The following RPS19 variants were observed in gnomAD, a reference collection of about 807,000 sequenced individuals.
The protein encoded by RPS19 is small ribosomal subunit protein eS19.
RPS19 carries 1 observed loss-of-function variant against 20.3 expected under a neutral mutation model. The ratio of observed to expected loss-of-function variants is 0.05; its 90% CI spans 0.02 to 0.23. RPS19 has a LOEUF of 0.23. Ranked by LOEUF, RPS19 falls within the 10% of genes least tolerant of loss-of-function variation. RPS19 has a pLI of 1.00. For synonymous variants in RPS19, 87 were observed against 74.8 expected, an observed-to-expected ratio of 1.16 and a Z score of -0.84; for missense variants, 111 against 192.7, an observed-to-expected ratio of 0.58 and a Z score of 2.51.
intron 1 of RPS19, 110 bp from the exon 2 acceptor site, chr19:41,860,665 G>C: frequency 1.1e-6 from 1 of 873,832 alleles, no homozygotes; most frequent in East Asian, 2.4e-5. Context: ...GAAGTAACGG[G>C]GGGTACCACG....
Position 41,870,848 on chromosome 19 carries a change from CCTTTTTTTTT to C in RPS19, c.412-502_412-493del, listed in dbSNP as rs1175941497. 3.5e-4 allele frequency among the ~76,000 whole-genome samples: 30 copies of C among 85,760 alleles called. 1 individual carries two copies. Among genetic ancestry groups the C allele is most frequent in the African/African-American group, 1.3e-3 (29 of 22,536 alleles). 56.3% of individuals were successfully genotyped at this position (85,760 alleles called of 152,430 possible). A position where few individuals can be genotyped will look rare whatever the true frequency, so the allele number is the denominator to read the frequency against. ...TTGGACTCCACTCCGCCACTCCCTT[CCTTTTTTTTT>C]TTTTTTTTTTTTTTTTTTTTTTGAG... On this transcript the variant is annotated intron_variant, in intron 5 of 5. Coordinates refer to ENST00000598742, the MANE Select transcript of RPS19 (RefSeq NM_001022.4).
chr19:41,861,228 C>T lies in RPS19; in HGVS notation c.172+16C>T, dbSNP rs782034765. 14 of 1,598,434 alleles carry T rather than the reference C, an allele frequency of 8.8e-6. No homozygotes were observed. The African/African-American group carries it at 1.9e-4, about 21-fold the overall frequency. ...ACGCGAGCTGGTGAGGAACTTAGGTCTTTGGCTGGAGAGTGGGGAGCTGGG... is the reference window on the plus strand; with the variant it reads ...ACGCGAGCTGGTGAGGAACTTAGGTTTTTGGCTGGAGAGTGGGGAGCTGGG... On this transcript the variant is annotated intron_variant, in intron 3 of 5. Coordinates refer to ENST00000598742, the MANE Select transcript of RPS19 (RefSeq NM_001022.4).
chr19:41,866,121 C>T (rs1490528580), intron 3 of RPS19, among the ~76,000 whole-genome samples: 2 of 151,808 alleles, frequency 1.3e-5, no homozygotes, highest in Non-Finnish European at 2.9e-5. Flanking sequence ...GGTGTGGTGG[C>T]GTGTGCCTGT....
intron 3 of RPS19, among the ~76,000 whole-genome samples, chr19:41,866,230 G>A (rs782101346): frequency 3.2e-4 from 49 of 152,076 alleles, no homozygotes; most frequent in Non-Finnish European, 7.1e-4. Flanking sequence ...TCCAACCTAG[G>A]CAACAGAGAA....
rs2074139987 is a variant in RPS19 at position 41,870,848 on chromosome 19, C to CTT, written c.412-503_412-502insTT. Reference sequence around the variant, plus strand: ...TTGGACTCCACTCCGCCACTCCCTTCCTTTTTTTTTTTTTTTTTTTTTTTT... The same window carrying CTT: ...TTGGACTCCACTCCGCCACTCCCTTCTTCTTTTTTTTTTTTTTTTTTTTTTTT... On this transcript the variant is annotated intron_variant, in intron 5 of 5. Coordinates refer to ENST00000598742, the MANE Select transcript of RPS19 (RefSeq NM_001022.4). Among the ~76,000 whole-genome samples the CTT allele has an allele frequency of 2.3e-3, 200 of 85,794 alleles. 21 individuals carry two copies. Among genetic ancestry groups the CTT allele is most frequent in the East Asian group, 6.4e-3 (16 of 2,494 alleles). The allele number at this position is 85,794 out of a possible 152,430, so 56.3% of individuals were successfully genotyped here.
In RPS19 at chr19:41,870,848, C is replaced by CT. The variant is rs2074139987; in HGVS notation, c.412-503_412-502insT. Among the ~76,000 whole-genome samples the CT allele has an allele frequency of 3.5e-3, 304 of 85,784 alleles. 38 individuals carry two copies. Among genetic ancestry groups the CT allele is most frequent in the East Asian group, 0.011 (27 of 2,494 alleles). 56.3% of individuals were successfully genotyped at this position (85,784 alleles called of 152,430 possible). Reference sequence around the variant, plus strand: ...TTGGACTCCACTCCGCCACTCCCTTCCTTTTTTTTTTTTTTTTTTTTTTTT... The same window carrying CT: ...TTGGACTCCACTCCGCCACTCCCTTCTCTTTTTTTTTTTTTTTTTTTTTTTT... On this transcript the variant is annotated intron_variant, in intron 5 of 5. Transcript: ENST00000598742.
chr19:41,865,177 A>C (rs1425664382), intron 3 of RPS19, among the ~76,000 whole-genome samples: 1 of 151,928 alleles, frequency 6.6e-6, no homozygotes, highest in Non-Finnish European at 1.5e-5. Flanking sequence ...GACCATCCTG[A>C]CCAATGTGGT....
At position 41,860,770 on chromosome 19, in the gene RPS19, C is replaced by G. The variant is rs782037781; in HGVS notation, c.1-5C>G. The G allele has an allele frequency of 1.9e-6, 3 of 1,612,066 alleles. No homozygotes were observed. Among genetic ancestry groups the G allele is most frequent in the East Asian group, 2.2e-5 (1 of 44,886 alleles). On this transcript the variant is annotated splice_region_variant and splice_polypyrimidine_tract_variant and intron_variant, in intron 1 of 5. Coordinates refer to ENST00000598742, the MANE Select transcript of RPS19 (RefSeq NM_001022.4). ...TGTGTTCACATGCTTGACTTTCTCC[C>G]TCAGATGCCTGGAGTTACTGTAAAA...
At chr19:41,866,881 G>A (rs2074095886) in intron 3 of RPS19, among the ~76,000 whole-genome samples, 1 of 152,112 alleles carries the variant, frequency 6.6e-6, no homozygotes, top group Non-Finnish European at 1.5e-5. Flanking sequence ...GCCAGGCGTG[G>A]TGGCGGGCCC....
At position 41,861,096 on chromosome 19, in the gene RPS19, A is replaced by G. The variant is rs1555839143; in HGVS notation, c.72-16A>G. ...GAGATGACTGAATCGTGCTTTTCCCACTGTTTTGGTCTTAGGTCCGGGAAG... is the reference window on the plus strand; with the variant it reads ...GAGATGACTGAATCGTGCTTTTCCCGCTGTTTTGGTCTTAGGTCCGGGAAG... On this transcript the variant is annotated splice_polypyrimidine_tract_variant and intron_variant, in intron 2 of 5. Transcript: ENST00000598742. 1 of 1,604,402 alleles carries G rather than the reference A, an allele frequency of 6.2e-7. No individual in the cohort carries two copies. Among genetic ancestry groups the G allele is most frequent in the Non-Finnish European group, 8.5e-7 (1 of 1,171,612 alleles).
intron 3 of RPS19, among the ~76,000 whole-genome samples, chr19:41,862,084 G>A (rs2074038174): frequency 6.6e-6 from 1 of 152,188 alleles, no homozygotes; most frequent in Non-Finnish European, 1.5e-5. Context: ...TCTCTGTGAA[G>A]TGGGGACTCC....
intron 4 of RPS19, 58 bp downstream of exon 4, chr19:41,869,272 T>TC (rs1555841402): frequency 8.1e-6 from 12 of 1,481,476 alleles, no homozygotes; most frequent in South Asian, 1.2e-5. Flanking sequence ...GGTCATCAAT[T>TC]CCCCAACGAA....
rs1412179174 is a variant in RPS19, at chr19:41,869,542, GC to G, written c.357-152del. The G allele has an allele frequency of 6.8e-6, 5 of 733,632 alleles. No homozygotes were observed. In the Admixed American group the frequency reaches 7.1e-5, roughly 10 times the overall value. The allele number at this position is 733,632 out of a possible 1,614,324, so 45.4% of individuals were successfully genotyped here. A position where few individuals can be genotyped will look rare whatever the true frequency, so the allele number is the denominator to read the frequency against. ...AGCTCCCAGGGGGGCTCCCACTACTGCCCCCAGCTCGTTAGAATGCACCTGA... is the reference window on the plus strand; with the variant it reads ...AGCTCCCAGGGGGGCTCCCACTACTGCCCCAGCTCGTTAGAATGCACCTGA... On this transcript the variant is annotated intron_variant, in intron 4 of 5. Transcript: ENST00000598742.
At chr19:41,862,689 C>T (rs1353991170) in intron 3 of RPS19, among the ~76,000 whole-genome samples, 3 of 150,602 alleles carry the variant, frequency 2.0e-5, no homozygotes, top group African/African-American at 7.4e-5. Context: ...GGCATTAAGA[C>T]CTTGGATAAT....
chr19:41,860,978 C>T (rs2074024037), intron 2 of RPS19, 133 bp downstream of exon 2: 1 of 1,110,064 alleles, frequency 9.0e-7, no homozygotes, highest in Admixed American at 1.8e-5. Context: ...AGCGTGAGGC[C>T]TGGCTTGTGT....
chr19:41,870,549 C>CA (rs1413403367), intron 5 of RPS19, among the ~76,000 whole-genome samples: 53 of 152,076 alleles, frequency 3.5e-4, no homozygotes, highest in African/African-American at 1.3e-3. Flanking sequence ...TACCCTTGGC[C>CA]ACCTCAAGCA....
intron 3 of RPS19, among the ~76,000 whole-genome samples, chr19:41,868,565 T>G (rs782322282): frequency 3.3e-5 from 5 of 152,192 alleles, no homozygotes; most frequent in Admixed American, 1.3e-4. Flanking sequence ...CAGCCTTCCC[T>G]GTGTCTGCAG....
intron 3 of RPS19, among the ~76,000 whole-genome samples, chr19:41,866,698 C>T (rs146068423): frequency 3.9e-5 from 6 of 152,172 alleles, no homozygotes; most frequent in Non-Finnish European, 7.3e-5. Context: ...CACAGATGCT[C>T]ACCCTTACTA....
chr19:41,869,634 G>A, intron 4 of RPS19, 65 bp from the exon 5 acceptor site: 1 of 1,562,486 alleles, frequency 6.4e-7, no homozygotes, highest in Non-Finnish European at 8.8e-7. Flanking sequence ...TCACAGCCAG[G>A]AGGGAAGGGG....
Sources: gnomAD v4.1 joint callset for allele counts (sites outside exome capture counted in the v4.1 genomes callset) on GRCh38, gnomAD v4.1.1 for gene constraint, MANE v1.5 for transcripts, NCBI Gene and HGNC (gene_info 2026-07-23, HGNC 2026-07-21) for gene names.